ABCA13: variants seen among roughly 807,000 people sequenced by gnomAD.
ABCA13 encodes ATP binding cassette subfamily A member 13.
A neutral mutation model predicts 478.7 loss-of-function variants in ABCA13; 476 were observed. The observed-to-expected ratio is 0.99, with a 90% CI of 0.92 to 1.07. ABCA13 has a LOEUF of 1.07. Among genes scored for constraint, ABCA13 ranks in the 50% least tolerant of loss-of-function variants. ABCA13 has a pLI of 0.00. For missense variants in ABCA13, 6,060 were observed against 5,910.6 expected (o/e 1.03, Z -0.83); for synonymous variants, 2,252 against 2,158.9 (o/e 1.04, Z -1.20).
chr7:48,644,674 G>A lies in ABCA13; in HGVS notation c.15001G>A (p.Asp5001Asn). The A allele has an allele frequency of 6.2e-7, 1 of 1,607,976 alleles. No individual in the cohort carries two copies. The highest frequency in any genetic ancestry group is 8.5e-7 in the Non-Finnish European group (1 of 1,177,998). The change falls in exon 61 of 62, where the codon GAC becomes AAC. Residue 5001 changes from aspartate (D) to asparagine (N), a missense_variant. Asp to Asn is a conservative substitution (Grantham distance 23). This residue lies in a region of ABCA13 where 1,627 missense variants were observed against 1,571.0 expected (regional missense o/e 1.04). Transcript: ENST00000435803. ...GCCAAAAAGATGGGGATGCCTAGCT[G>A]ACTTGTTCAAAGTTATAGAGAACAA... ...HVPKRWGCLA[D>N]LFKVIENNKT...
intron 55 of ABCA13, among the ~76,000 whole-genome samples, chr7:48,574,481 A>T (rs1287336838): frequency 6.6e-6 from 1 of 152,006 alleles, no homozygotes; most frequent in Admixed American, 6.6e-5. Flanking sequence ...TACTTTTTAG[A>T]TTCTTAGATT....
At chr7:48,202,858 T>TC (rs911221119) in intron 3 of ABCA13, among the ~76,000 whole-genome samples, 8 of 152,254 alleles carry the variant, frequency 5.3e-5, no homozygotes, top group Admixed American at 3.9e-4. Flanking sequence ...ACCCAGTGGA[T>TC]CCCGCACCAG....
chr7:48,363,884 A>T (rs1180167394), intron 31 of ABCA13, among the ~76,000 whole-genome samples: 1 of 152,118 alleles, frequency 6.6e-6, no homozygotes, highest in Non-Finnish European at 1.5e-5. Flanking sequence ...TAAATTGTTT[A>T]AATATATTTA....
At chr7:48,543,868 A>C (rs1454112731) in intron 55 of ABCA13, among the ~76,000 whole-genome samples, 2 of 151,738 alleles carry the variant, frequency 1.3e-5, no homozygotes, top group South Asian at 2.1e-4. Context: ...ATAAATCATA[A>C]TTTTACTGGA....
chr7:48,453,712 T>G (rs1455780700), intron 42 of ABCA13, among the ~76,000 whole-genome samples: 1 of 152,202 alleles, frequency 6.6e-6, no homozygotes, highest in East Asian at 1.9e-4. Context: ...TTGGCCTGTT[T>G]CTCACTTTTT....
intron 55 of ABCA13, among the ~76,000 whole-genome samples, chr7:48,545,734 A>G (rs1027242382): frequency 1.3e-5 from 2 of 150,218 alleles, no homozygotes; most frequent in Non-Finnish European, 3.0e-5. Flanking sequence ...GTACCATGAT[A>G]TGAGAGAGAA....
At chr7:48,441,039 TAAG>T (rs945408045) in intron 42 of ABCA13, among the ~76,000 whole-genome samples, 1 of 152,194 alleles carries the variant, frequency 6.6e-6, no homozygotes, top group African/African-American at 2.4e-5. Flanking sequence ...CATTACCAAA[TAAG>T]AAGTAAGTCT....
At chr7:48,290,939 GGAAAAAAAAAAAAAAAAA>G (rs1466538158) in intron 20 of ABCA13, among the ~76,000 whole-genome samples, 1 of 79,612 alleles carries the variant, frequency 1.3e-5, no homozygotes, top group Non-Finnish European at 2.3e-5. Context: ...TCACACTCAG[GGAAAAAAAAAAAAAAAAA>G]AAAAAAAAAA....
intron 2 of ABCA13, among the ~76,000 whole-genome samples, chr7:48,196,122 T>C (rs1244145274): frequency 6.6e-6 from 1 of 152,138 alleles, no homozygotes; most frequent in Non-Finnish European, 1.5e-5. Flanking sequence ...GTGAATGATT[T>C]AGTTGTAAAT....
intron 42 of ABCA13, among the ~76,000 whole-genome samples, chr7:48,438,418 T>C (rs934765335): frequency 1.3e-5 from 2 of 152,066 alleles, no homozygotes; most frequent in African/African-American, 2.4e-5. Flanking sequence ...AGTGTTTCCA[T>C]AGGGACAGGG....
chr7:48,523,046 A>G (rs928627611), intron 53 of ABCA13, among the ~76,000 whole-genome samples: 1 of 152,206 alleles, frequency 6.6e-6, no homozygotes, highest in Non-Finnish European at 1.5e-5. Context: ...GAACACATTG[A>G]TGTAGCCCCC....
intron 58 of ABCA13, among the ~76,000 whole-genome samples, chr7:48,596,453 A>G (rs1044745988): frequency 6.6e-6 from 1 of 152,228 alleles, no homozygotes; most frequent in African/African-American, 2.4e-5. Context: ...AAATATTACC[A>G]TAAATAAGCC....
intron 53 of ABCA13, among the ~76,000 whole-genome samples, chr7:48,520,592 G>T (rs1832477269): frequency 6.6e-6 from 1 of 151,930 alleles, no homozygotes; most frequent in Non-Finnish European, 1.5e-5. Context: ...TATGGTACAT[G>T]TGCACAATGT....
At position 48,501,592 on chromosome 7, in the gene ABCA13, T is replaced by TG. The variant is rs1432159330; in HGVS notation, c.13292-4743dup. Among the ~76,000 whole-genome samples the TG allele has an allele frequency of 7.2e-5, 11 of 152,118 alleles. No individual in the cohort carries two copies. The East Asian group carries it at 7.7e-4, about 11-fold the overall frequency. On this transcript the variant is annotated intron_variant, in intron 48 of 61. Transcript: ENST00000435803. Reference sequence around the variant, plus strand: ...GAAGAGAGAGGCAGCCACTGTAGTTTGTGGGGGTTCAGGTATTTGCACCAG... The same window carrying TG: ...GAAGAGAGAGGCAGCCACTGTAGTTTGGTGGGGGTTCAGGTATTTGCACCAG...
chr7:48,490,944 G>T (rs1449524806), intron 48 of ABCA13, among the ~76,000 whole-genome samples: 1 of 152,184 alleles, frequency 6.6e-6, no homozygotes, highest in Non-Finnish European at 1.5e-5. Context: ...TCACAATTTT[G>T]AGGTTAAGGC....
At chr7:48,285,221 C>T (rs151008796) in intron 19 of ABCA13, among the ~76,000 whole-genome samples, 19 of 152,158 alleles carry the variant, frequency 1.2e-4, no homozygotes, top group Non-Finnish European at 2.8e-4. Context: ...TGAGAGGGTC[C>T]ATGGGGCTGA....
chr7:48,526,303 A>C (rs1441880951), intron 54 of ABCA13, among the ~76,000 whole-genome samples: 2 of 152,030 alleles, frequency 1.3e-5, no homozygotes, highest in African/African-American at 2.4e-5. Context: ...TTGGGGTATT[A>C]TTTTCTGAGT....
At chr7:48,537,192 A>G (rs1376909325) in intron 55 of ABCA13, among the ~76,000 whole-genome samples, 2 of 152,064 alleles carry the variant, frequency 1.3e-5, no homozygotes, top group South Asian at 2.1e-4. Flanking sequence ...ATCCCCCACC[A>G]TGCTTTTCTC....
chr7:48,601,257 T>TG (rs1393298083), intron 58 of ABCA13, among the ~76,000 whole-genome samples: 5 of 152,202 alleles, frequency 3.3e-5, no homozygotes, highest in African/African-American at 7.2e-5. Context: ...CTTAAAGTTA[T>TG]GGGGTATGTG....
Sources: allele counts gnomAD v4.1 joint callset (sites outside exome capture counted in the v4.1 genomes callset), GRCh38; gene constraint gnomAD v4.1.1; regional missense constraint gnomAD v4.1.1; transcripts MANE v1.5; gene names NCBI Gene and HGNC (gene_info 2026-07-23, HGNC 2026-07-21).